The following SUPT5H variants were observed in gnomAD, a reference collection of about 807,000 sequenced individuals.
SUPT5H encodes the protein SPT5 homolog, DSIF elongation factor subunit, also known as transcription elongation factor SPT5.
In SUPT5H, 24 loss-of-function variants were observed where a neutral mutation model predicts 142.5. The observed-to-expected ratio is 0.17, with a 90% CI of 0.12 to 0.24. The LOEUF (loss-of-function observed/expected upper bound fraction) is 0.24, where lower values mean the gene tolerates loss of function less well. Ranked by LOEUF, SUPT5H falls within the 10% of genes least tolerant of loss-of-function variation. The pLI, the probability that SUPT5H is intolerant of heterozygous loss-of-function variation, is 1.00. For missense variants in SUPT5H, 893 were observed against 1,471.8 expected (o/e 0.61, Z 6.43); for synonymous variants, 546 against 553.0 (o/e 0.99, Z 0.18).
intron 10 of SUPT5H, among the ~76,000 whole-genome samples, chr19:39,462,841 T>TTC (rs1334737237): frequency 7.9e-5 from 10 of 126,224 alleles, no homozygotes; most frequent in South Asian, 2.8e-4. Context: ...TTAATTTTCT[T>TTC]TTTTTTTTTT....
Position 39,468,796 on chromosome 19 carries a change from A to G in SUPT5H, c.1078A>G (p.Ile360Val). Residue 360 changes from isoleucine to valine, a missense_variant, in exon 14 of 30, where the codon ATC (isoleucine) becomes GTC (valine). Ile to Val is a conservative substitution (Grantham distance 29, BLOSUM62 3). Around this residue, in one of 6 missense-constraint regions of SUPT5H, gnomAD observed 428 missense variants for 763.5 expected, o/e 0.56. Transcript: ENST00000432763. ...TGTTGCCTCTGATGGTGACTTCCTC[A>G]TCTTTGAGGGGAACCGTTACAGCCG... ...GDVASDGDFLIFEGNRYSRKG... is the reference protein window; with the variant it reads ...GDVASDGDFLVFEGNRYSRKG... 3 of 1,614,034 alleles carry G rather than the reference A, an allele frequency of 1.9e-6. No individual in the cohort carries two copies. Among genetic ancestry groups the G allele is most frequent in the Non-Finnish European group, 2.5e-6 (3 of 1,180,006 alleles).
At chr19:39,471,548 G>A in intron 19 of SUPT5H, 45 bp downstream of exon 19, 1 of 1,613,878 alleles carries the variant, frequency 6.2e-7, no homozygotes, top group African/African-American at 1.3e-5. Flanking sequence ...AAAGAATTTG[G>A]TTGGTTGGGG....
chr19:39,447,174 C>CT (rs370720847), intron 2 of SUPT5H, among the ~76,000 whole-genome samples: 20 of 152,146 alleles, frequency 1.3e-4, no homozygotes, highest in African/African-American at 4.3e-4. Flanking sequence ...CCACCACCCC[C>CT]TAAAAAAAGG....
At chr19:39,468,487 A>C in intron 13 of SUPT5H, 1 of 506,804 alleles carries the variant, frequency 2.0e-6, no homozygotes, top group East Asian at 3.4e-5. Flanking sequence ...CTGACATGCT[A>C]GTTAGGGGGA....
chr19:39,468,698 C>T (rs2079276477), intron 13 of SUPT5H, 58 bp from the exon 14 acceptor site: 12 of 1,508,828 alleles, frequency 8.0e-6, no homozygotes, highest in Non-Finnish European at 1.1e-5. Flanking sequence ...GACTGAGGTA[C>T]AGCAAGATTT....
chr19:39,468,914 C>T, intron 14 of SUPT5H, 53 bp downstream of exon 14: 2 of 1,573,828 alleles, frequency 1.3e-6, no homozygotes, highest in Non-Finnish European at 1.7e-6. Flanking sequence ...TGTTCTCCTG[C>T]AGGTGATGCC....
chr19:39,462,994 C>T (rs2079185147), intron 10 of SUPT5H, among the ~76,000 whole-genome samples: 2 of 149,132 alleles, frequency 1.3e-5, no homozygotes, highest in Non-Finnish European at 1.5e-5. Flanking sequence ...CACCCACCAC[C>T]ATGCCCAGCT....
chr19:39,462,944 A>G (rs1249929875), intron 10 of SUPT5H, among the ~76,000 whole-genome samples: 27 of 140,028 alleles, frequency 1.9e-4, no homozygotes, highest in African/African-American at 7.3e-4. Flanking sequence ...GGTTCAAGCG[A>G]TTCTCCTGCC....
intron 3 of SUPT5H, among the ~76,000 whole-genome samples, chr19:39,454,485 C>G (rs537007613): frequency 6.6e-6 from 1 of 151,700 alleles, no homozygotes; most frequent in Non-Finnish European, 1.5e-5. Context: ...GCTGGGACTA[C>G]GGGCACGTGC....
Position 39,461,836 on chromosome 19 carries a change from AAAAAT to A in SUPT5H, c.624+1879_624+1883del, listed in dbSNP as rs1373796271. Among the ~76,000 whole-genome samples the A allele has an allele frequency of 9.2e-4, 132 of 143,264 alleles. 1 individual carries two copies. Among genetic ancestry groups the A allele is most frequent in the African/African-American group, 3.4e-3 (119 of 35,024 alleles). 94.0% of individuals were successfully genotyped at this position (143,264 alleles called of 152,430 possible). ...GAGACTGTCTCAAAAAAAAAAAAAA[AAAAAT>A]AATAATAATAATAATTAAAAGAAGT... On this transcript the variant is annotated intron_variant, in intron 10 of 29. Transcript: ENST00000432763.
intron 2 of SUPT5H, among the ~76,000 whole-genome samples, chr19:39,450,533 T>G (rs1327120358): frequency 6.6e-6 from 1 of 152,086 alleles, no homozygotes; most frequent in Non-Finnish European, 1.5e-5. Flanking sequence ...TGAGGCCTAG[T>G]GTTGGGGAGG....
chr19:39,454,680 A>G (rs1485589361), intron 3 of SUPT5H, among the ~76,000 whole-genome samples: 1 of 152,146 alleles, frequency 6.6e-6, no homozygotes. Context: ...TTACGGCCAA[A>G]TATCAGTTCC....
chr19:39,467,106 G>A (rs2079250631), intron 13 of SUPT5H: 1 of 168,440 alleles, frequency 5.9e-6, no homozygotes, highest in Admixed American at 5.9e-5. Flanking sequence ...GATGAGGCTG[G>A]GCGTGATGGC....
Position 39,466,820 on chromosome 19 carries a change from C to A in SUPT5H, c.1037+75C>A. 1 of 1,476,624 alleles carries A rather than the reference C, an allele frequency of 6.8e-7. No homozygotes were observed. The allele number at this position is 1,476,624 out of a possible 1,614,324, so 91.5% of individuals were successfully genotyped here. A position where few individuals can be genotyped will look rare whatever the true frequency, so the allele number is the denominator to read the frequency against. ...AGAATGTGCCTTTTGCAGGTTCCTC[C>A]CCAGGGGTGGCCCCGCCACAGGTTT... is the stretch of plus-strand genomic sequence containing the variant. On this transcript the variant is annotated intron_variant, in intron 13 of 29. Transcript: ENST00000432763. The surrounding 1 kb of genome is among the most constrained non-coding windows in gnomAD (Gnocchi z 4.3).
At position 39,472,618 on chromosome 19, in the gene SUPT5H, A is replaced by C. The variant is rs2079337235; in HGVS notation, c.2035+125A>C. On this transcript the variant is annotated intron_variant, in intron 21 of 29. Coordinates refer to ENST00000432763, the MANE Select transcript of SUPT5H (RefSeq NM_001111020.3). This position sits in a 1 kb window ranked among gnomAD's most constrained non-coding sequence, Gnocchi z 4.2. ...CACTGCTATTAGGGGTTCACCACCC[A>C]CAGGAGGGTAGACGCCACAGTGACA... is the stretch of plus-strand genomic sequence containing the variant. 1 of 1,373,456 alleles carries C rather than the reference A, an allele frequency of 7.3e-7. No homozygotes were observed. 85.1% of individuals were successfully genotyped at this position (1,373,456 alleles called of 1,614,324 possible).
chr19:39,469,073 GC>G lies in SUPT5H; in HGVS notation c.1144-5del. 2 of 1,614,122 alleles carry G rather than the reference GC, an allele frequency of 1.2e-6. No homozygotes were observed. Among genetic ancestry groups the G allele is most frequent in the Non-Finnish European group, 1.7e-6 (2 of 1,180,016 alleles). On this transcript the variant is annotated splice_region_variant and splice_polypyrimidine_tract_variant and intron_variant, in intron 14 of 29. Coordinates refer to ENST00000432763, the MANE Select transcript of SUPT5H (RefSeq NM_001111020.3). This position sits in a 1 kb window ranked among gnomAD's most constrained non-coding sequence, Gnocchi z 5.1. ...CCTTCTCTTCCCCTCACCGCTGGGG[GC>G]TTAGATCACGGAGGGTGTGAAGCCA...
intron 10 of SUPT5H, among the ~76,000 whole-genome samples, chr19:39,464,195 G>A (rs1318379226): frequency 6.6e-6 from 1 of 151,612 alleles, no homozygotes; most frequent in Non-Finnish European, 1.5e-5. Context: ...GTGTTGGTCA[G>A]GCTGGTCTTG....
In SUPT5H at chr19:39,445,838, C is replaced by T. The variant is rs1378909254; in HGVS notation, c.-53C>T. 6.3e-6 allele frequency: 10 copies of T among 1,593,664 alleles called. No individual in the cohort carries two copies. In the Admixed American group the frequency reaches 1.7e-4, roughly 28 times the overall value. On this transcript the variant is annotated 5_prime_UTR_variant, in exon 2 of 30. Transcript: ENST00000432763. ...GGGGAAACTGAGGCTCGGGGTGGAG[C>T]GCAGGATTGTGGGACGCGCCAAGGC...
chr19:39,465,154 C>T, intron 11 of SUPT5H, 105 bp downstream of exon 11: 1 of 1,457,720 alleles, frequency 6.9e-7, no homozygotes, highest in Non-Finnish European at 9.2e-7. Flanking sequence ...AATAGAATCC[C>T]ACTCAGATGA....
Sources: allele counts gnomAD v4.1 joint callset (sites outside exome capture counted in the v4.1 genomes callset), GRCh38; gene constraint gnomAD v4.1.1; regional missense constraint gnomAD v4.1.1; non-coding constraint Gnocchi (gnomAD v3.1); transcripts MANE v1.5; gene names NCBI Gene and HGNC (gene_info 2026-07-23, HGNC 2026-07-21).